The following ASIC4 variants were observed in gnomAD, a reference collection of about 807,000 sequenced individuals.
The protein encoded by ASIC4 is acid-sensing ion channel 4.
Under a neutral mutation model 53.4 loss-of-function variants are expected in ASIC4, and 28 were observed. That is an observed-to-expected ratio of 0.52 (90% CI 0.39 to 0.72). The LOEUF (loss-of-function observed/expected upper bound fraction) is 0.72, where lower values mean the gene tolerates loss of function less well. Ranked by LOEUF, ASIC4 falls within the 30% of genes least tolerant of loss-of-function variation. The pLI is 0.00. For missense variants in ASIC4, 649 were observed against 729.7 expected (o/e 0.89, Z 1.27); for synonymous variants, 289 against 301.4 (o/e 0.96, Z 0.43).
chr2:219,510,125 C>A (rs566525553), upstream of ASIC4, among the ~76,000 whole-genome samples: 1 of 152,176 alleles, frequency 6.6e-6, no homozygotes, highest in Admixed American at 6.5e-5. This position sits in a 1 kb window ranked among gnomAD's most constrained non-coding sequence, Gnocchi z 5.2. Context: ...ACCCTGCCGT[C>A]TTCACAGCCC....
chr2:219,538,183 C>T lies in ASIC4; in HGVS notation c.*137C>T, dbSNP rs1159208668. 3 of 737,154 alleles carry T rather than the reference C, an allele frequency of 4.1e-6. No homozygotes were observed. The highest frequency in any genetic ancestry group is 3.5e-5 in the African/African-American group (2 of 57,106). 45.7% of individuals were successfully genotyped at this position (737,154 alleles called of 1,614,324 possible). On this transcript the variant is annotated 3_prime_UTR_variant, in exon 10 of 10. Coordinates refer to ENST00000358078, the MANE Select transcript of ASIC4 (RefSeq NM_018674.6). ...GACTCAGTTCCTGCTCTCATCCTCC[C>T]CTGCCCTGATGTCAGCTGCTTTGCA...
In ASIC4 at chr2:219,537,509, G is replaced by C. The variant is rs144142578; in HGVS notation, c.1402-123G>C. The C allele has an allele frequency of 1.7e-5, 18 of 1,036,168 alleles. No individual in the cohort carries two copies. Among genetic ancestry groups the C allele is most frequent in the East Asian group, 1.3e-4 (5 of 38,486 alleles). 64.2% of individuals were successfully genotyped at this position (1,036,168 alleles called of 1,614,324 possible). A position where few individuals can be genotyped will look rare whatever the true frequency, so the allele number is the denominator to read the frequency against. On this transcript the variant is annotated intron_variant, in intron 8 of 9. Transcript: ENST00000358078. This position sits in a 1 kb window ranked among gnomAD's most constrained non-coding sequence, Gnocchi z 4.9. ...AGAAGGGGATGGGTGAGGAGGAGGA[G>C]GGTGTCCTACTGGGAGTTTGCTGTG...
intron 3 of ASIC4, 79 bp downstream of exon 3, chr2:219,532,207 C>T (rs1695053669): frequency 1.2e-6 from 2 of 1,601,406 alleles, no homozygotes; most frequent in Middle Eastern, 1.8e-4. Flanking sequence ...CAAACCTGCC[C>T]TCTAGAAGCT....
rs764410890 is a variant in ASIC4 at position 219,538,001 on chromosome 2, C to T, written c.1575C>T (p.His525=). 26 of 1,613,248 alleles carry T rather than the reference C, an allele frequency of 1.6e-5. No individual in the cohort carries two copies. The highest frequency in any genetic ancestry group is 2.0e-5 in the Non-Finnish European group (24 of 1,179,732). ...GCAGTCTGCTCCCCAATCACCACCA[C>T]CCCCACGGTCCCCCAGGAGGTCTCT... ...GVSSLLPNHH[H]PHGPPGGLFE... The change falls in exon 10 of 10, where the codon CAC becomes CAT. Residue 525 remains histidine (H), a synonymous_variant. Transcript: ENST00000358078.
intron 5 of ASIC4, chr2:219,533,581 G>C: frequency 6.4e-6 from 1 of 157,256 alleles, no homozygotes; most frequent in Admixed American, 6.1e-5. Flanking sequence ...GATTCCTAGA[G>C]GAAGGGACAC....
Position 219,538,162 on chromosome 2 carries a change from C to T in ASIC4, c.*116C>T. The T allele has an allele frequency of 4.6e-6, 4 of 862,950 alleles. No homozygotes were observed. The highest frequency in any genetic ancestry group is 2.6e-5 in the East Asian group (1 of 37,842). 53.5% of individuals were successfully genotyped at this position (862,950 alleles called of 1,614,324 possible). A position where few individuals can be genotyped will look rare whatever the true frequency, so the allele number is the denominator to read the frequency against. On this transcript the variant is annotated 3_prime_UTR_variant, in exon 10 of 10. Coordinates refer to ENST00000358078, the MANE Select transcript of ASIC4 (RefSeq NM_018674.6). ...GGTGCTCACTGGGAGGGCCAGGACT[C>T]AGTTCCTGCTCTCATCCTCCCCTGC...
At chr2:219,535,108 G>C (rs942700867) in intron 5 of ASIC4, 63 bp from the exon 6 acceptor site, 69 of 1,560,280 alleles carry the variant, frequency 4.4e-5, no homozygotes, top group Middle Eastern at 2.1e-4. Context: ...CCTCTCTGCA[G>C]CTGGTGGGCC....
Position 219,535,032 on chromosome 2 carries a change from G to A in ASIC4, c.1076-139G>A. The A allele has an allele frequency of 1.3e-5, 17 of 1,272,120 alleles. No individual in the cohort carries two copies. The South Asian group carries it at 2.3e-4, about 18-fold the overall frequency. 78.8% of individuals were successfully genotyped at this position (1,272,120 alleles called of 1,614,324 possible). On this transcript the variant is annotated intron_variant, in intron 5 of 9. Transcript: ENST00000358078. ...ACCTGCAGCCAGTCCCCTCTAGGAAGCACTGGGGCTGGCCAGTAAAGGCCC... is the reference window on the plus strand; with the variant it reads ...ACCTGCAGCCAGTCCCCTCTAGGAAACACTGGGGCTGGCCAGTAAAGGCCC...
chr2:219,507,653 G>C, the ASIC4 span, among the ~76,000 whole-genome samples: 4 of 152,148 alleles, frequency 2.6e-5, no homozygotes, highest in Non-Finnish European at 5.9e-5. Context: ...GTTTGCCCAT[G>C]ACCCCCATGT....
upstream of ASIC4, among the ~76,000 whole-genome samples, chr2:219,512,382 G>A (rs554280929): frequency 1.3e-5 from 2 of 152,202 alleles, no homozygotes; most frequent in Non-Finnish European, 2.9e-5. Flanking sequence ...GTAGCAACGA[G>A]TGCTGCGGAG....
intron 1 of ASIC4, among the ~76,000 whole-genome samples, chr2:219,529,526 T>A (rs1386997991): frequency 2.0e-5 from 3 of 152,204 alleles, no homozygotes; most frequent in African/African-American, 7.2e-5. Context: ...CTGTCTCATC[T>A]ACCTGGATGG....
upstream of ASIC4, chr2:219,514,076 A>G: frequency 2.1e-6 from 1 of 479,176 alleles, no homozygotes; most frequent in Non-Finnish European, 3.6e-6. Context: ...CTGACCCTTC[A>G]TGGGGTGTGG....
At chr2:219,520,197 T>A (rs780287713) in intron 1 of ASIC4, among the ~76,000 whole-genome samples, 16 of 151,930 alleles carry the variant, frequency 1.1e-4, no homozygotes, top group Non-Finnish European at 2.1e-4. Flanking sequence ...TGCTGGTGAC[T>A]GCCATGACTA....
At chr2:219,527,782 T>A (rs772070622) in intron 1 of ASIC4, among the ~76,000 whole-genome samples, 4 of 152,272 alleles carry the variant, frequency 2.6e-5, no homozygotes, top group Non-Finnish European at 4.4e-5. Context: ...AAAGCACCTA[T>A]CACAGGACTT....
chr2:219,507,905 A>G, the ASIC4 span, among the ~76,000 whole-genome samples: 14 of 152,114 alleles, frequency 9.2e-5, no homozygotes, highest in African/African-American at 3.4e-4. Context: ...TCATAGCTTC[A>G]TAGCCTGGCA....
intron 1 of ASIC4, among the ~76,000 whole-genome samples, chr2:219,526,445 TAG>T (rs1487101665): frequency 6.6e-6 from 1 of 151,450 alleles, no homozygotes; most frequent in African/African-American, 2.4e-5. Context: ...GCAAATAGGA[TAG>T]AGAGTGCAGT....
At position 219,532,013 on chromosome 2, in the gene ASIC4, T is replaced by A. The variant is rs751813411; in HGVS notation, c.740T>A (p.Phe247Tyr). ...CTCTGCTGTGCAGATGAGACGTCGTTTGAGGCAGGTATTCGGGTGCAGATC... is the reference window on the plus strand; with the variant it reads ...CTCTGCTGTGCAGATGAGACGTCGTATGAGGCAGGTATTCGGGTGCAGATC... ...PIWRETNETS[F>Y]EAGIRVQIHS... Residue 247 changes from phenylalanine (F) to tyrosine (Y), a missense_variant, in exon 3 of 10, where the codon TTT becomes TAT. By Grantham distance (22) the Phe-to-Tyr change is conservative. Transcript: ENST00000358078. 6.2e-7 allele frequency: 1 copy of A among 1,614,198 alleles called. No homozygotes were observed. The highest frequency in any genetic ancestry group is 1.1e-5 in the South Asian group (1 of 91,082).
In ASIC4 at chr2:219,535,273, G is replaced by C. The variant is rs905648343; in HGVS notation, c.1178G>C (p.Gly393Ala). 7 of 1,613,788 alleles carry C rather than the reference G, an allele frequency of 4.3e-6. No homozygotes were observed. In the African/African-American group the frequency reaches 9.3e-5, roughly 22 times the overall value. The change falls in exon 6 of 10, where the codon GGC becomes GCC. Residue 393 changes from glycine to alanine, a missense_variant. Coordinates refer to ENST00000358078, the MANE Select transcript of ASIC4 (RefSeq NM_018674.6). ...TCCATGGTCAGGATCCCCAACAGGG[G>C]CTCAGCCCGGTACCTGGCGAGGAAG... is the stretch of plus-strand genomic sequence containing the variant. Reference protein sequence around the residue: ...EISMVRIPNRGSARYLARKYN... With the variant: ...EISMVRIPNRASARYLARKYN...
Position 219,515,139 on chromosome 2 carries a change from C to G in ASIC4, c.415C>G (p.Leu139Val). 1 of 1,614,206 alleles carries G rather than the reference C, an allele frequency of 6.2e-7. No homozygotes were observed. The highest frequency in any genetic ancestry group is 8.5e-7 in the Non-Finnish European group (1 of 1,180,034). ...TGCCGACATCTTCCACCTGGCCAAT[C>G]TGACAGGGCTGCCCCCCAAAGACCG... ...SDADIFHLAN[L>V]TGLPPKDRDG... The change falls in exon 1 of 10, where the codon CTG becomes GTG. Residue 139 changes from leucine to valine, a missense_variant. Physicochemically the swap from Leu to Val is conservative, Grantham distance 32. Coordinates refer to ENST00000358078, the MANE Select transcript of ASIC4 (RefSeq NM_018674.6).
Sources: allele counts gnomAD v4.1 joint callset (sites outside exome capture counted in the v4.1 genomes callset), GRCh38; gene constraint gnomAD v4.1.1; non-coding constraint Gnocchi (gnomAD v3.1); transcripts MANE v1.5; gene names NCBI Gene and HGNC (gene_info 2026-07-23, HGNC 2026-07-21).